DISC1: variants seen among roughly 807,000 people sequenced by gnomAD.
The protein encoded by DISC1 is DISC1 scaffold protein.
DISC1 carries 57 observed loss-of-function variants against 84.5 expected under a neutral mutation model. That is an observed-to-expected ratio of 0.67 (90% CI 0.55 to 0.84). DISC1 has a LOEUF of 0.84. Ranked by LOEUF, DISC1 falls within the 40% of genes least tolerant of loss-of-function variation. The pLI, the probability that DISC1 is intolerant of heterozygous loss-of-function variation, is 0.00. For missense variants in DISC1, 1,000 were observed against 1,057.8 expected (o/e 0.95, Z 0.76); for synonymous variants, 411 against 415.2 (o/e 0.99, Z 0.12).
chr1:231,944,404 A>G (rs767647840), intron 9 of DISC1, among the ~76,000 whole-genome samples: 22 of 152,210 alleles, frequency 1.4e-4, no homozygotes, highest in Non-Finnish European at 1.5e-4. Flanking sequence ...TATCCAATCA[A>G]TGCAGAGGCA....
At chr1:231,687,984 T>C (rs1002296793) in intron 1 of DISC1, among the ~76,000 whole-genome samples, 19 of 151,972 alleles carry the variant, frequency 1.3e-4, no homozygotes, top group African/African-American at 4.1e-4. Flanking sequence ...AAAAAAATCA[T>C]AGGGAAAATT....
intron 10 of DISC1, among the ~76,000 whole-genome samples, chr1:231,966,097 G>A (rs917308790): frequency 7.9e-5 from 12 of 152,136 alleles, no homozygotes; most frequent in East Asian, 1.9e-4. Context: ...TGGATAAATC[G>A]CAATTTTATC....
intron 3 of DISC1, among the ~76,000 whole-genome samples, chr1:231,733,012 T>C (rs1239259017): frequency 1.0e-4 from 1 of 9,818 alleles, no homozygotes; most frequent in Non-Finnish European, 2.4e-4. Context: ...GTAGCAGTGT[T>C]GTTGGTAATG....
At chr1:231,855,730 C>T (rs1002228006) in intron 9 of DISC1, among the ~76,000 whole-genome samples, 1 of 152,150 alleles carries the variant, frequency 6.6e-6, no homozygotes, top group Non-Finnish European at 1.5e-5. Flanking sequence ...GACGTTTCCC[C>T]TTCTTTCTCT....
At chr1:231,797,755 C>T (rs1039579950) in intron 7 of DISC1, among the ~76,000 whole-genome samples, 9 of 152,136 alleles carry the variant, frequency 5.9e-5, no homozygotes, top group Non-Finnish European at 1.3e-4. Flanking sequence ...TTTATAATTA[C>T]TTCGCTTTTC....
chr1:231,747,703 C>T (rs1248435261), intron 3 of DISC1, among the ~76,000 whole-genome samples: 1 of 152,094 alleles, frequency 6.6e-6, no homozygotes, highest in Non-Finnish European at 1.5e-5. Flanking sequence ...TGTGATACCT[C>T]CAGTGTTGTT....
At chr1:231,704,207 C>T (rs2066744907) in intron 3 of DISC1, among the ~76,000 whole-genome samples, 1 of 152,180 alleles carries the variant, frequency 6.6e-6, no homozygotes, top group African/African-American at 2.4e-5. Context: ...TAATAAATGA[C>T]TTGCCCTCTG....
chr1:231,901,905 T>G (rs2126028914), intron 9 of DISC1, among the ~76,000 whole-genome samples: 1 of 152,282 alleles, frequency 6.6e-6, no homozygotes, highest in East Asian at 1.9e-4. Flanking sequence ...ACCTTAGTGC[T>G]TGCATCAGTT....
At chr1:231,813,849 C>T (rs1264224256) in intron 8 of DISC1, among the ~76,000 whole-genome samples, 1 of 152,150 alleles carries the variant, frequency 6.6e-6, no homozygotes, top group Non-Finnish European at 1.5e-5. Flanking sequence ...TCTGACCTCT[C>T]CTAGTATTTG....
Position 232,009,462 on chromosome 1 carries a change from A to ATG in DISC1, c.2307+414_2307+415insGT. 1.7e-6 allele frequency: 1 copy of ATG among 577,622 alleles called. No homozygotes were observed. The highest frequency in any genetic ancestry group is 2.1e-6 in the Non-Finnish European group (1 of 470,424). 35.8% of individuals were successfully genotyped at this position (577,622 alleles called of 1,614,324 possible). The stretch of plus-strand genomic sequence containing the variant: ...ATTGTATGTCATATATGATGTTTAT[A>ATG]TATTTAGAATCTATATATTACAATA... On this transcript the variant is annotated intron_variant, in intron 11 of 12. Transcript: ENST00000439617. The surrounding 1 kb of genome is among the most constrained non-coding windows in gnomAD (Gnocchi z 4.6).
chr1:231,975,065 C>T (rs1038096711), intron 10 of DISC1, among the ~76,000 whole-genome samples: 8 of 152,164 alleles, frequency 5.3e-5, no homozygotes, highest in African/African-American at 1.9e-4. Context: ...CACCACTGCA[C>T]TCCAGGCCTA....
chr1:232,028,782 G>C (rs770672386), intron 12 of DISC1, among the ~76,000 whole-genome samples: 1 of 152,172 alleles, frequency 6.6e-6, no homozygotes, highest in Non-Finnish European at 1.5e-5. Flanking sequence ...TACACAAAAA[G>C]TTTCAAGGTA....
chr1:231,975,867 T>C (rs1435782416), intron 10 of DISC1, among the ~76,000 whole-genome samples: 2 of 152,224 alleles, frequency 1.3e-5, no homozygotes, highest in East Asian at 1.9e-4. Context: ...AAATTACTTA[T>C]GGGTACAATG....
chr1:231,868,092 C>T lies in DISC1; in HGVS notation c.1981+49575C>T, dbSNP rs149670028. ...CCTCAAGGACACTCCCACTCAGAGG[C>T]ATAAAAAAATAAACAGTTGTTTCTG... On this transcript the variant is annotated intron_variant, in intron 9 of 12. Coordinates refer to ENST00000439617, the MANE Select transcript of DISC1 (RefSeq NM_018662.3). Among the ~76,000 whole-genome samples the T allele has an allele frequency of 3.7e-4, 56 of 152,272 alleles. No individual in the cohort carries two copies. The East Asian group carries it at 9.5e-3, about 26-fold the overall frequency.
chr1:232,033,556 G>A (rs534408543), intron 12 of DISC1, among the ~76,000 whole-genome samples: 5 of 152,252 alleles, frequency 3.3e-5, no homozygotes, highest in Admixed American at 2.0e-4. Flanking sequence ...CCAACATGGC[G>A]CCTGTTTACT....
chr1:231,838,035 T>G (rs1398568761), intron 9 of DISC1, among the ~76,000 whole-genome samples: 1 of 152,112 alleles, frequency 6.6e-6, no homozygotes, highest in Non-Finnish European at 1.5e-5. Flanking sequence ...TATCAATAGA[T>G]AAGAAAGATA....
At chr1:231,728,813 C>T (rs1036208528) in intron 3 of DISC1, among the ~76,000 whole-genome samples, 3 of 90,078 alleles carry the variant, frequency 3.3e-5, no homozygotes, top group Non-Finnish European at 5.3e-5. Context: ...GTGTATCTTT[C>T]GGCTTCTCCT....
At chr1:231,924,175 A>G (rs1014439645) in intron 9 of DISC1, among the ~76,000 whole-genome samples, 4 of 152,224 alleles carry the variant, frequency 2.6e-5, no homozygotes, top group Non-Finnish European at 5.9e-5. Flanking sequence ...ACAGGCAACC[A>G]TCAATCAAAG....
chr1:232,014,467 T>C (rs1668302425), intron 11 of DISC1, among the ~76,000 whole-genome samples: 1 of 152,220 alleles, frequency 6.6e-6, no homozygotes, highest in Admixed American at 6.5e-5. Context: ...TTTGAAGTTT[T>C]GCAAACCCAG....
Sources: gnomAD v4.1 joint callset for allele counts (sites outside exome capture counted in the v4.1 genomes callset) on GRCh38, gnomAD v4.1.1 for gene constraint, Gnocchi (gnomAD v3.1) non-coding constraint, MANE v1.5 for transcripts, NCBI Gene and HGNC (gene_info 2026-07-23, HGNC 2026-07-21) for gene names.